KIF1A: variants seen among roughly 807,000 people sequenced by gnomAD.
The protein encoded by KIF1A is kinesin family member 1A, also known as kinesin-like protein KIF1A.
A neutral mutation model predicts 227.3 loss-of-function variants in KIF1A; 46 were observed. The ratio of observed to expected loss-of-function variants is 0.20; its 90% CI spans 0.16 to 0.26. KIF1A has a LOEUF of 0.26. KIF1A is among the 10% of genes least tolerant of loss of function. The pLI, the probability that KIF1A is intolerant of heterozygous loss-of-function variation, is 1.00. For missense variants in KIF1A, 1,683 were observed against 2,485.9 expected, an observed-to-expected ratio of 0.68 and a Z score of 6.87; for synonymous variants, 1,022 against 1,012.8, an observed-to-expected ratio of 1.01 and a Z score of -0.17.
intron 10 of KIF1A, among the ~76,000 whole-genome samples, 178 bp from the exon 11 acceptor site, chr2:240,776,104 G>A (rs2052696848): frequency 6.6e-6 from 1 of 152,166 alleles, no homozygotes; most frequent in African/African-American, 2.4e-5. Flanking sequence ...CAGACCCCAG[G>A]CCGCCACCCC....
chr2:240,811,569 C>T (rs1218775787), intron 1 of KIF1A, among the ~76,000 whole-genome samples: 1 of 152,070 alleles, frequency 6.6e-6, no homozygotes, highest in Non-Finnish European at 1.5e-5. Context: ...GTGCCAGACA[C>T]AGCACATGCC....
In KIF1A at chr2:240,719,818, C is replaced by A. The variant is rs992259915; in HGVS notation, c.4977G>T (p.Glu1659Asp). ...TGTCAGGGACCAGCAGGCGCTGGGGCTCCTTGTCTGTCTCTGTTGCCCGGG... is the reference window on the plus strand; with the variant it reads ...TGTCAGGGACCAGCAGGCGCTGGGGATCCTTGTCTGTCTCTGTTGCCCGGG... ...SPARATETDK[E>D]PQRLLVPDIQ... The change falls in exon 46 of 49, where the codon GAG becomes GAT. Residue 1659 changes from glutamate (E) to aspartate (D), a missense_variant. By Grantham distance (45) the Glu-to-Asp change is conservative. This residue lies in a region of KIF1A where 384 missense variants were observed against 410.1 expected (regional missense o/e 0.94). Transcript: ENST00000498729. 5.6e-6 allele frequency: 9 copies of A among 1,609,598 alleles called. No individual in the cohort carries two copies. The African/African-American group carries it at 1.1e-4, about 19-fold the overall frequency.
intron 1 of KIF1A, among the ~76,000 whole-genome samples, chr2:240,809,650 G>A (rs58209445): frequency 0.13 from 18,995 of 151,120 alleles, 2,191 homozygotes; most frequent in African/African-American, 0.31. Context: ...ATATCTTCAC[G>A]CTACCCCTAG....
At chr2:240,724,633 G>T (rs2045774821) in intron 40 of KIF1A, 1 of 159,816 alleles carries the variant, frequency 6.3e-6, no homozygotes, top group African/African-American at 2.4e-5. Context: ...GTGGCCACGG[G>T]TGCCCGGTAG....
chr2:240,760,143 C>T (rs1421665396), intron 25 of KIF1A, among the ~76,000 whole-genome samples: 2 of 152,228 alleles, frequency 1.3e-5, no homozygotes, highest in South Asian at 2.1e-4. Flanking sequence ...CCCAGGCTTC[C>T]TCCTCACCAC....
At chr2:240,720,269 C>G in intron 45 of KIF1A, 1 of 209,102 alleles carries the variant, frequency 4.8e-6, no homozygotes, top group South Asian at 1.6e-4. Flanking sequence ...ATCTCCACAA[C>G]TAGACTGAAG....
rs986146254 is a variant in KIF1A, at chr2:240,766,552, G to T, written c.1684+363C>A. ...CATCCTCCACCCTGGGCCCCAACAC[G>T]CTTCCCGGCCAGCAGCCCACCTGTG... On this transcript the variant is annotated intron_variant, in intron 19 of 48. Transcript: ENST00000498729. This position sits in a 1 kb window ranked among gnomAD's most constrained non-coding sequence, Gnocchi z 5.0. Among the ~76,000 whole-genome samples, 1 of 151,984 alleles carries T rather than the reference G, an allele frequency of 6.6e-6. No individual in the cohort carries two copies. Among genetic ancestry groups the T allele is most frequent in the African/African-American group, 2.4e-5 (1 of 41,370 alleles).
At chr2:240,745,023 T>C (rs2048418952) in intron 32 of KIF1A, among the ~76,000 whole-genome samples, 1 of 152,038 alleles carries the variant, frequency 6.6e-6, no homozygotes, top group African/African-American at 2.4e-5. Flanking sequence ...TGCCTGGAGT[T>C]TTCCAGACCT....
intron 1 of KIF1A, among the ~76,000 whole-genome samples, chr2:240,810,095 C>T (rs867926824): frequency 2.7e-4 from 41 of 151,948 alleles, no homozygotes; most frequent in African/African-American, 9.9e-4. Flanking sequence ...ATTACAGGTG[C>T]GAGCCACCGC....
chr2:240,746,307 C>T (rs867016873), intron 29 of KIF1A, 130 bp from the exon 30 acceptor site: 55 of 1,097,076 alleles, frequency 5.0e-5, no homozygotes, highest in Non-Finnish European at 6.5e-5. Flanking sequence ...TGAACCCACG[C>T]ACCAGACCTG....
At chr2:240,812,857 CCTCGGGGATCAGCCTTCA>C (rs1559549817) in intron 1 of KIF1A, among the ~76,000 whole-genome samples, 4 of 151,458 alleles carry the variant, frequency 2.6e-5, no homozygotes, top group Admixed American at 6.6e-5. Context: ...TCTGCCTTCA[CCTCGGGGATCAGCCTTCA>C]CTCGGGGATC....
chr2:240,784,958 G>T, intron 7 of KIF1A, 31 bp downstream of exon 7: 1 of 1,565,712 alleles, frequency 6.4e-7, no homozygotes, highest in South Asian at 1.1e-5. Context: ...CACTGCCCTT[G>T]GTGGCACCGC....
At chr2:240,795,573 AGCT>A (rs371628392) in intron 2 of KIF1A, among the ~76,000 whole-genome samples, 15 of 152,294 alleles carry the variant, frequency 9.8e-5, no homozygotes, top group African/African-American at 2.6e-4. Context: ...ACCTTTCACC[AGCT>A]GGGCAGTGCT....
At chr2:240,730,584 C>T (rs1397201563) in intron 38 of KIF1A, among the ~76,000 whole-genome samples, 1 of 152,224 alleles carries the variant, frequency 6.6e-6, no homozygotes, top group Admixed American at 6.5e-5. Flanking sequence ...GGCGATCTAA[C>T]AGGCTGAGGC....
intron 10 of KIF1A, 35 bp downstream of exon 10, chr2:240,782,555 C>G: frequency 6.5e-7 from 1 of 1,550,234 alleles, no homozygotes; most frequent in African/African-American, 1.4e-5. Flanking sequence ...CACCAGCCTC[C>G]CGCACCTGCC....
At position 240,746,031 on chromosome 2, in the gene KIF1A, C is replaced by A. The variant is rs371620074; in HGVS notation, c.3202+8G>T. 1 of 1,607,112 alleles carries A rather than the reference C, an allele frequency of 6.2e-7. No individual in the cohort carries two copies. On this transcript the variant is annotated splice_region_variant and intron_variant, in intron 30 of 48. Coordinates refer to ENST00000498729, the MANE Select transcript of KIF1A (RefSeq NM_001244008.2). ...CTACGCCCTGGGCAGCTGGGGTGGG[C>A]GACCCACCTGAACAGGTGTTGTTGT...
chr2:240,747,678 T>G (rs1188045215), intron 28 of KIF1A, among the ~76,000 whole-genome samples: 2 of 152,154 alleles, frequency 1.3e-5, no homozygotes, highest in Non-Finnish European at 2.9e-5. Context: ...CCACCAGCCC[T>G]GCTGGTCCCA....
chr2:240,814,241 G>A (rs13417054), intron 1 of KIF1A, among the ~76,000 whole-genome samples: 2,021 of 151,954 alleles, frequency 0.013, 32 homozygotes, highest in African/African-American at 0.045. Flanking sequence ...TACACCCGTC[G>A]ACATGAAGTT....
intron 14 of KIF1A, among the ~76,000 whole-genome samples, chr2:240,772,064 C>T (rs1238281011): frequency 6.6e-6 from 1 of 152,194 alleles, no homozygotes; most frequent in Non-Finnish European, 1.5e-5. Flanking sequence ...TTGGCAGTAT[C>T]CGCTGTGAAA....
Sources: allele counts gnomAD v4.1 joint callset (sites outside exome capture counted in the v4.1 genomes callset), GRCh38; gene constraint gnomAD v4.1.1; regional missense constraint gnomAD v4.1.1; non-coding constraint Gnocchi (gnomAD v3.1); transcripts MANE v1.5; gene names NCBI Gene and HGNC (gene_info 2026-07-23, HGNC 2026-07-21).